PIAS4: variants seen among roughly 807,000 people sequenced by gnomAD.
PIAS4 encodes the protein protein inhibitor of activated STAT 4.
Under a neutral mutation model 58.0 loss-of-function variants are expected in PIAS4, and 7 were observed. That is an observed-to-expected ratio of 0.12 (90% confidence interval 0.07 to 0.23). PIAS4 has a LOEUF of 0.23. Among genes scored for constraint, PIAS4 ranks in the 10% least tolerant of loss-of-function variants. The probability of loss-of-function intolerance (pLI) is 1.00; values close to 1 mark genes in which losing one functional copy is unlikely to be tolerated. For missense variants in PIAS4, 550 were observed against 709.5 expected (o/e 0.78, Z 2.55); for synonymous variants, 364 against 312.4 (o/e 1.17, Z -1.74).
intron 2 of PIAS4, among the ~76,000 whole-genome samples, chr19:4,019,789 C>A (rs1037194770): frequency 6.6e-6 from 1 of 152,228 alleles, no homozygotes; most frequent in Non-Finnish European, 1.5e-5. Context: ...TGGCAGCCCC[C>A]TCTTCCTGAG....
At chr19:4,028,109 C>G in intron 3 of PIAS4, 37 bp from the exon 4 acceptor site, 1 of 1,610,552 alleles carries the variant, frequency 6.2e-7, no homozygotes, top group Non-Finnish European at 8.5e-7. Context: ...TCACTCAGCT[C>G]TCCTTTCCTT....
chr19:4,029,885 C>T (rs1358209557), intron 7 of PIAS4, among the ~76,000 whole-genome samples: 4 of 133,100 alleles, frequency 3.0e-5, no homozygotes, highest in South Asian at 2.5e-4. Context: ...TGCAATGGCA[C>T]GATCTCGGCT....
rs371940742 is a variant in PIAS4 at position 4,033,488 on chromosome 19, C to T, written c.1050C>T (p.Ala350=). 2.6e-5 allele frequency: 41 copies of T among 1,587,170 alleles called. No individual in the cohort carries two copies. The East Asian group carries it at 5.5e-4, about 21-fold the overall frequency. Residue 350 remains alanine, a synonymous_variant, in exon 9 of 11, where the codon GCC becomes GCT. Coordinates refer to ENST00000262971, the MANE Select transcript of PIAS4 (RefSeq NM_015897.4). ...GTGCCCACCTGCAGTGCTTCGACGC[C>T]GTCTTCTACCTGCAGATGAACGAGA... is the stretch of plus-strand genomic sequence containing the variant. ...ETCAHLQCFD[A]VFYLQMNEKK... is the part of the protein sequence containing the mutation.
chr19:4,015,408 C>T (rs1048999210), intron 2 of PIAS4, among the ~76,000 whole-genome samples: 3 of 151,936 alleles, frequency 2.0e-5, no homozygotes, highest in African/African-American at 7.3e-5. Context: ...GAGCCTGCTC[C>T]CCTGTCTACA....
intron 9 of PIAS4, among the ~76,000 whole-genome samples, chr19:4,034,280 C>T (rs900198923): frequency 8.8e-5 from 13 of 148,358 alleles, no homozygotes; most frequent in African/African-American, 1.7e-4. Flanking sequence ...GGGGGTGGGC[C>T]GGGTCCCCAG....
intron 1 of PIAS4, among the ~76,000 whole-genome samples, chr19:4,011,227 C>T (rs1449868758): frequency 4.6e-5 from 7 of 152,222 alleles, no homozygotes; most frequent in Admixed American, 4.6e-4. Context: ...TCCTTAACAC[C>T]CTTGACGCTT....
rs937897270 is a variant in PIAS4, at chr19:4,038,026, C to T, written c.*151C>T. 21 of 697,164 alleles carry T rather than the reference C, an allele frequency of 3.0e-5. No individual in the cohort carries two copies. In the South Asian group the frequency reaches 3.6e-4, roughly 12 times the overall value. 43.2% of individuals were successfully genotyped at this position (697,164 alleles called of 1,614,324 possible). ...TTTGCCTGGCTCCTGGCACCTGTACCTCTGGACTCTCCTATCGGGGGATTA... is the reference window on the plus strand; with the variant it reads ...TTTGCCTGGCTCCTGGCACCTGTACTTCTGGACTCTCCTATCGGGGGATTA... On this transcript the variant is annotated 3_prime_UTR_variant, in exon 11 of 11. Coordinates refer to ENST00000262971, the MANE Select transcript of PIAS4 (RefSeq NM_015897.4). This position sits in a 1 kb window ranked among gnomAD's most constrained non-coding sequence, Gnocchi z 4.1.
intron 9 of PIAS4, among the ~76,000 whole-genome samples, chr19:4,035,736 C>T (rs998768822): frequency 3.5e-4 from 52 of 149,294 alleles, no homozygotes; most frequent in Admixed American, 1.6e-3. Context: ...CCCACACATC[C>T]ATACAGTCCA....
Position 4,032,440 on chromosome 19 carries a change from G to A in PIAS4, c.908-660G>A, listed in dbSNP as rs902973350. On this transcript the variant is annotated intron_variant, in intron 7 of 10. Coordinates refer to ENST00000262971, the MANE Select transcript of PIAS4 (RefSeq NM_015897.4). ...ATGGAGCCACATCCCAGAAGCCTCA[G>A]GAGGGCAGCCAGGGTCCCTGCGTGA... is the stretch of plus-strand genomic sequence containing the variant. Among the ~76,000 whole-genome samples the A allele has an allele frequency of 2.6e-5, 4 of 152,238 alleles. No homozygotes were observed. The East Asian group carries it at 7.7e-4, about 29-fold the overall frequency.
Position 4,033,210 on chromosome 19 carries a change from C to T in PIAS4, c.981+37C>T, listed in dbSNP as rs112692035. On this transcript the variant is annotated intron_variant, in intron 8 of 10. Coordinates refer to ENST00000262971, the MANE Select transcript of PIAS4 (RefSeq NM_015897.4). ...CGCGGTCCCCTCCTCGAGGCCTCTC[C>T]TGCGGCCGGCCTTCCCCCCTGGCGG... The T allele has an allele frequency of 3.9e-5, 61 of 1,575,596 alleles. No homozygotes were observed. In the African/African-American group the frequency reaches 6.7e-4, roughly 17 times the overall value.
chr19:4,020,411 C>T (rs2040097239), intron 2 of PIAS4, among the ~76,000 whole-genome samples: 1 of 152,154 alleles, frequency 6.6e-6, no homozygotes, highest in Non-Finnish European at 1.5e-5. Flanking sequence ...GGGCAGTTCG[C>T]CATCCCTGTT....
Position 4,037,241 on chromosome 19 carries a change from G to T in PIAS4, c.1143-133G>T. 8.7e-7 allele frequency: 1 copy of T among 1,154,862 alleles called. No homozygotes were observed. The highest frequency in any genetic ancestry group is 1.2e-6 in the Non-Finnish European group (1 of 834,574). 71.5% of individuals were successfully genotyped at this position (1,154,862 alleles called of 1,614,324 possible). A position where few individuals can be genotyped will look rare whatever the true frequency, so the allele number is the denominator to read the frequency against. On this transcript the variant is annotated intron_variant, in intron 9 of 10. Transcript: ENST00000262971. This position sits in a 1 kb window ranked among gnomAD's most constrained non-coding sequence, Gnocchi z 5.8. ...GAATGCGGGGTCCCTGGACCCCTGC[G>T]GTCGGGGTGGTGAGGCTGCTCTTGC...
chr19:4,032,498 G>A (rs1464680936), intron 7 of PIAS4, among the ~76,000 whole-genome samples: 3 of 152,344 alleles, frequency 2.0e-5, no homozygotes, highest in East Asian at 1.9e-4. Context: ...GCTGCCCGTC[G>A]AGGGGAGGGC....
At chr19:4,014,574 C>T (rs921219098) in intron 2 of PIAS4, among the ~76,000 whole-genome samples, 1 of 152,182 alleles carries the variant, frequency 6.6e-6, no homozygotes, top group Non-Finnish European at 1.5e-5. Context: ...CCCACTCTTT[C>T]CTTCGCACAG....
chr19:4,017,324 C>T (rs2040062181), intron 2 of PIAS4, among the ~76,000 whole-genome samples: 2 of 152,188 alleles, frequency 1.3e-5, no homozygotes, highest in South Asian at 4.1e-4. Context: ...GCCCAGCTCC[C>T]CAACCTGCCC....
In PIAS4 at chr19:4,013,907, C is replaced by G. The variant is rs2040025950; in HGVS notation, c.454+558C>G. 6.6e-6 allele frequency among the ~76,000 whole-genome samples: 1 copy of G among 152,188 alleles called. No individual in the cohort carries two copies. The highest frequency in any genetic ancestry group is 1.5e-5 in the Non-Finnish European group (1 of 68,020). ...CCCAACCTCGGACACGCCTCGCCAT[C>G]TCCCCCACAGAGTCCGTTGCTCACA... On this transcript the variant is annotated intron_variant, in intron 2 of 10. Transcript: ENST00000262971. This position sits in a 1 kb window ranked among gnomAD's most constrained non-coding sequence, Gnocchi z 5.1.
chr19:4,020,951 G>C (rs919106601), intron 2 of PIAS4, among the ~76,000 whole-genome samples: 1 of 152,146 alleles, frequency 6.6e-6, no homozygotes. Context: ...AAATACTTTG[G>C]AGTGGGATTC....
Position 4,013,147 on chromosome 19 carries a change from G to A in PIAS4, c.252G>A (p.Leu84=). 1.2e-6 allele frequency: 2 copies of A among 1,613,398 alleles called. No individual in the cohort carries two copies. The highest frequency in any genetic ancestry group is 1.7e-6 in the Non-Finnish European group (2 of 1,179,988). The change falls in exon 2 of 11, where the codon CTG becomes CTA. Residue 84 remains leucine (L), a synonymous_variant. Transcript: ENST00000262971. This position sits in a 1 kb window ranked among gnomAD's most constrained non-coding sequence, Gnocchi z 5.1. ...APQPHRPLDP[L]TMHSTYDRAG... ...AGCCGCACCGGCCCCTGGACCCCCT[G>A]ACCATGCACTCCACCTACGACCGGG...
intron 8 of PIAS4, 92 bp downstream of exon 8, chr19:4,033,265 G>GA: frequency 7.1e-7 from 1 of 1,410,392 alleles, no homozygotes; most frequent in Non-Finnish European, 9.8e-7. Context: ...TGGCTGGGCC[G>GA]TGAGCCTGCG....
Sources: allele counts gnomAD v4.1 joint callset (sites outside exome capture counted in the v4.1 genomes callset), GRCh38; gene constraint gnomAD v4.1.1; non-coding constraint Gnocchi (gnomAD v3.1); transcripts MANE v1.5; gene names NCBI Gene and HGNC (gene_info 2026-07-23, HGNC 2026-07-21).